AGBL4: variants seen among roughly 807,000 people sequenced by gnomAD.
AGBL4 encodes the protein AGBL carboxypeptidase 4.
AGBL4 carries 58 observed loss-of-function variants against 66.4 expected under a neutral mutation model. That is an observed-to-expected ratio of 0.87 (90% CI 0.71 to 1.09). The LOEUF is 1.09. AGBL4 is among the 50% of genes least tolerant of loss of function. The probability of loss-of-function intolerance (pLI) is 0.00; values close to 1 mark genes in which losing one functional copy is unlikely to be tolerated. For synonymous variants in AGBL4, 234 were observed against 222.9 expected (o/e 1.05, Z -0.44); for missense variants, 579 against 631.0 (o/e 0.92, Z 0.88).
chr1:49,755,434 C>A (rs1651816444), intron 2 of AGBL4, among the ~76,000 whole-genome samples: 1 of 152,150 alleles, frequency 6.6e-6, no homozygotes, highest in African/African-American at 2.4e-5. Context: ...CCTTCAGCTG[C>A]CACACACAAA....
chr1:48,807,087 C>T (rs1645942234), intron 6 of AGBL4, among the ~76,000 whole-genome samples: 1 of 152,176 alleles, frequency 6.6e-6, no homozygotes, highest in African/African-American at 2.4e-5. Context: ...CAGATGTTAC[C>T]TCCTCTAGGA....
intron 9 of AGBL4, among the ~76,000 whole-genome samples, chr1:48,607,970 C>T (rs746484534): frequency 2.0e-5 from 3 of 152,168 alleles, no homozygotes; most frequent in Non-Finnish European, 2.9e-5. Context: ...GGTTGAATAA[C>T]TTGATTGAAG....
chr1:48,649,324 A>C (rs949599803), intron 8 of AGBL4, among the ~76,000 whole-genome samples: 1 of 152,206 alleles, frequency 6.6e-6, no homozygotes, highest in Non-Finnish European at 1.5e-5. Context: ...CTAAGACCTG[A>C]AATGAAGAGA....
intron 1 of AGBL4, among the ~76,000 whole-genome samples, chr1:49,893,016 A>T (rs573886903): frequency 1.3e-5 from 2 of 152,130 alleles, no homozygotes; most frequent in East Asian, 3.9e-4. Context: ...CAGCCAGGAG[A>T]CACTAAATAA....
chr1:48,802,035 T>C (rs1645822120), intron 6 of AGBL4, among the ~76,000 whole-genome samples: 3 of 152,308 alleles, frequency 2.0e-5, no homozygotes, highest in East Asian at 1.9e-4. Context: ...ATGAGCTATG[T>C]TAATTTCCTG....
At chr1:49,710,604 A>G (rs1448107353) in intron 2 of AGBL4, among the ~76,000 whole-genome samples, 4 of 151,910 alleles carry the variant, frequency 2.6e-5, no homozygotes, top group African/African-American at 9.7e-5. Context: ...ACAAAAATGA[A>G]TAAATAATTT....
intron 3 of AGBL4, among the ~76,000 whole-genome samples, chr1:49,594,345 T>A (rs566493201): frequency 2.6e-5 from 4 of 152,304 alleles, no homozygotes; most frequent in South Asian, 4.1e-4. Context: ...GTTAATTTTT[T>A]AAAATCTTTT....
At chr1:49,594,988 C>G (rs1465590516) in intron 3 of AGBL4, among the ~76,000 whole-genome samples, 2 of 152,224 alleles carry the variant, frequency 1.3e-5, no homozygotes, top group Non-Finnish European at 2.9e-5. Context: ...GTCCCACCAA[C>G]AGTTTAAAAG....
intron 4 of AGBL4, among the ~76,000 whole-genome samples, chr1:49,238,796 G>A (rs1253416617): frequency 6.6e-6 from 1 of 152,124 alleles, no homozygotes; most frequent in Non-Finnish European, 1.5e-5. Context: ...ATTTTGGGGA[G>A]CACCTTTTAT....
At chr1:49,006,472 G>A (rs1045247042) in intron 5 of AGBL4, among the ~76,000 whole-genome samples, 2 of 152,240 alleles carry the variant, frequency 1.3e-5, no homozygotes, top group African/African-American at 4.8e-5. Flanking sequence ...CATTGCCCAG[G>A]CTTGCTTAGG....
At chr1:49,973,876 G>A (rs957697693) in intron 1 of AGBL4, among the ~76,000 whole-genome samples, 4 of 151,682 alleles carry the variant, frequency 2.6e-5, no homozygotes, top group Non-Finnish European at 4.4e-5. Flanking sequence ...CCAGACTGGA[G>A]GAAGGGAATA....
Position 49,482,964 on chromosome 1 carries a change from G to T in AGBL4, c.282+214349C>A, listed in dbSNP as rs1646987823. 2.0e-5 allele frequency among the ~76,000 whole-genome samples: 3 copies of T among 151,998 alleles called. No homozygotes were observed. The South Asian group carries it at 6.2e-4, about 32-fold the overall frequency. ...ATTTCTTAGTCTTGACTTCTCATTT[G>T]ATTGTGCTGTGGTCTGAGAGAATGT... On this transcript the variant is annotated intron_variant, in intron 3 of 13. Coordinates refer to ENST00000371839, the MANE Select transcript of AGBL4 (RefSeq NM_032785.4).
intron 3 of AGBL4, among the ~76,000 whole-genome samples, chr1:49,264,737 G>A (rs969408239): frequency 1.4e-4 from 21 of 152,266 alleles, no homozygotes; most frequent in African/African-American, 4.1e-4. Flanking sequence ...TAGAGATGGC[G>A]TTTCTCTGTG....
intron 3 of AGBL4, among the ~76,000 whole-genome samples, chr1:49,283,638 G>A (rs1337321370): frequency 6.6e-6 from 1 of 151,734 alleles, no homozygotes; most frequent in Admixed American, 6.6e-5. Context: ...TTAGAAGAAT[G>A]TATAACTAGA....
chr1:49,225,173 G>A (rs2148285523), intron 4 of AGBL4, among the ~76,000 whole-genome samples: 1 of 152,270 alleles, frequency 6.6e-6, no homozygotes, highest in South Asian at 2.1e-4. Flanking sequence ...GCAAACTACT[G>A]GGTGAAGAAT....
Position 48,867,204 on chromosome 1 carries a change from C to T in AGBL4, c.621G>A (p.Thr207=), listed in dbSNP as rs374418721. 3 of 1,613,578 alleles carry T rather than the reference C, an allele frequency of 1.9e-6. No homozygotes were observed. Among genetic ancestry groups the T allele is most frequent in the South Asian group, 2.2e-5 (2 of 90,968 alleles). ...ACGCCTACTCACCAGGGCTGGTTAT[C>T]GTCAGGAGGTCAAGCTTTCGTTGTT... The part of the protein sequence containing the change: ...SVQQRKLDLL[T]ITSPDNLREG... Residue 207 remains threonine, a synonymous_variant, in exon 6 of 14, where the codon ACG becomes ACA. Transcript: ENST00000371839.
At chr1:48,944,902 C>T (rs1212180208) in intron 5 of AGBL4, among the ~76,000 whole-genome samples, 3 of 152,190 alleles carry the variant, frequency 2.0e-5, no homozygotes, top group Non-Finnish European at 4.4e-5. Context: ...CAGAATCTAA[C>T]TCCACCATAG....
At chr1:49,462,897 T>G (rs769104713) in intron 3 of AGBL4, among the ~76,000 whole-genome samples, 2 of 151,750 alleles carry the variant, frequency 1.3e-5, no homozygotes, top group African/African-American at 2.4e-5. Context: ...ATAAGGTTAC[T>G]TGAAATGGAC....
At chr1:49,822,533 A>G (rs1300333335) in intron 2 of AGBL4, among the ~76,000 whole-genome samples, 1 of 152,176 alleles carries the variant, frequency 6.6e-6, no homozygotes, top group East Asian at 1.9e-4. Flanking sequence ...TATGTCAGTC[A>G]GGCTGGTCTT....
Sources: allele counts gnomAD v4.1 joint callset (sites outside exome capture counted in the v4.1 genomes callset), GRCh38; gene constraint gnomAD v4.1.1; transcripts MANE v1.5; gene names NCBI Gene and HGNC (gene_info 2026-07-23, HGNC 2026-07-21).